Variants in TRHDE observed in about 807,000 individuals in gnomAD.
TRHDE encodes the protein thyrotropin-releasing hormone-degrading ectoenzyme.
In TRHDE, 72 loss-of-function variants were observed where a neutral mutation model predicts 125.7. The ratio of observed to expected loss-of-function variants is 0.57; its 90% CI spans 0.47 to 0.70. The LOEUF is 0.70. Among genes scored for constraint, TRHDE ranks in the 30% least tolerant of loss-of-function variants. The pLI is 0.00. For synonymous variants in TRHDE, 509 were observed against 509.1 expected, an observed-to-expected ratio of 1.00 and a Z score of 0.00; for missense variants, 1,110 against 1,327.1, an observed-to-expected ratio of 0.84 and a Z score of 2.54.
rs960195528 is a variant in TRHDE, at chr12:72,330,432, G to A, written c.1188+43478G>A. ...CCACAGGGATGTTACGTGAGGGAGCGGAAGTGTCAGAACTGGAGCCGAGCG... is the reference window on the plus strand; with the variant it reads ...CCACAGGGATGTTACGTGAGGGAGCAGAAGTGTCAGAACTGGAGCCGAGCG... On this transcript the variant is annotated intron_variant, in intron 2 of 18. Transcript: ENST00000261180. 8.5e-5 allele frequency among the ~76,000 whole-genome samples: 13 copies of A among 152,176 alleles called. 1 individual carries two copies. The highest frequency in any genetic ancestry group is 1.8e-4 in the Non-Finnish European group (12 of 68,034).
rs1870255041 is a variant in TRHDE at position 72,562,978 on chromosome 12, C to G, written c.1980C>G (p.Thr660=). The G allele has an allele frequency of 6.2e-7, 1 of 1,609,942 alleles. No individual in the cohort carries two copies. The highest frequency in any genetic ancestry group is 8.5e-7 in the Non-Finnish European group (1 of 1,178,224). Residue 660 remains threonine (T), a synonymous_variant, in exon 9 of 19, where the codon ACC becomes ACG. Coordinates refer to ENST00000261180, the MANE Select transcript of TRHDE (RefSeq NM_013381.3). ...NTTAENRIII[T]QQHFIYDISA... ...CAGCAGAAAATAGAATAATAATTAC[C>G]CAACAGCATTTTATCTATGATATCA...
At chr12:72,362,356 G>T (rs1288730641) in intron 2 of TRHDE, among the ~76,000 whole-genome samples, 1 of 149,556 alleles carries the variant, frequency 6.7e-6, no homozygotes, top group Non-Finnish European at 1.5e-5. Flanking sequence ...CTGCATAAAT[G>T]TCTTCTTTTG....
At chr12:72,629,450 C>CA (rs1873387884) in intron 15 of TRHDE, among the ~76,000 whole-genome samples, 1 of 151,730 alleles carries the variant, frequency 6.6e-6, no homozygotes, top group Non-Finnish European at 1.5e-5. Flanking sequence ...CTTTCAGACA[C>CA]TTCTGTGTCT....
At chr12:72,519,176 A>G (rs1037707078) in intron 6 of TRHDE, among the ~76,000 whole-genome samples, 1 of 152,032 alleles carries the variant, frequency 6.6e-6, no homozygotes, top group African/African-American at 2.4e-5. Context: ...GTATTTCCTG[A>G]ATCTGAATGT....
intron 2 of TRHDE, among the ~76,000 whole-genome samples, chr12:72,160,825 AT>A (rs1876621364): frequency 6.6e-6 from 1 of 152,176 alleles, no homozygotes; most frequent in Non-Finnish European, 1.5e-5. Context: ...TTCCCATTTT[AT>A]TTATGTTCAT....
chr12:72,493,880 G>T (rs1038239035), intron 5 of TRHDE, among the ~76,000 whole-genome samples: 1 of 151,960 alleles, frequency 6.6e-6, no homozygotes, highest in Non-Finnish European at 1.5e-5. Context: ...GCCTAAGGCA[G>T]AATAATTAAC....
intron 18 of TRHDE, 113 bp downstream of exon 18, chr12:72,657,121 ACG>A: frequency 1.5e-6 from 1 of 681,322 alleles, no homozygotes; most frequent in Non-Finnish European, 2.6e-6. Flanking sequence ...TTACTTACAC[ACG>A]CACACCACAC....
rs888089624 is a variant in TRHDE at position 72,330,423 on chromosome 12, T to A, written c.1188+43469T>A. 4.6e-5 allele frequency among the ~76,000 whole-genome samples: 7 copies of A among 151,134 alleles called. No individual in the cohort carries two copies. The East Asian group carries it at 5.9e-4, about 13-fold the overall frequency. On this transcript the variant is annotated intron_variant, in intron 2 of 18. Transcript: ENST00000261180. ...TTCATGTGGCCACAGGGATGTTACGTGAGGGAGCGGAAGTGTCAGAACTGG... is the reference window on the plus strand; with the variant it reads ...TTCATGTGGCCACAGGGATGTTACGAGAGGGAGCGGAAGTGTCAGAACTGG...
At chr12:72,527,468 G>A (rs1014604246) in intron 6 of TRHDE, among the ~76,000 whole-genome samples, 1 of 151,900 alleles carries the variant, frequency 6.6e-6, no homozygotes, top group African/African-American at 2.4e-5. Flanking sequence ...ATAATGGGAA[G>A]TACAGAATCT....
At chr12:72,416,826 T>C (rs1378561776) in intron 3 of TRHDE, among the ~76,000 whole-genome samples, 3 of 152,160 alleles carry the variant, frequency 2.0e-5, no homozygotes, top group Non-Finnish European at 4.4e-5. Flanking sequence ...TTCAGCATTG[T>C]CCTTTTTGCT....
At position 72,469,457 on chromosome 12, in the gene TRHDE, G is replaced by A. The variant is rs147328312; in HGVS notation, c.1316-301G>A. On this transcript the variant is annotated intron_variant, in intron 3 of 18. Coordinates refer to ENST00000261180, the MANE Select transcript of TRHDE (RefSeq NM_013381.3). ...GCCTCTGTAGGTTCCTGCTGCATGT[G>A]GTTTCCTTGACTTATGAAATTTATT... Among the ~76,000 whole-genome samples, 983 of 152,222 alleles carry A rather than the reference G, an allele frequency of 6.5e-3. 4 individuals are homozygous for A. Among genetic ancestry groups the A allele is most frequent in the African/African-American group, 0.022 (921 of 41,536 alleles).
chr12:72,089,213 C>A (rs987978058), intron 1 of TRHDE, among the ~76,000 whole-genome samples: 2 of 152,166 alleles, frequency 1.3e-5, no homozygotes, highest in Non-Finnish European at 2.9e-5. Context: ...TTTGTTGCTG[C>A]CATCCTGATC....
At chr12:72,433,035 T>A (rs916548947) in intron 3 of TRHDE, among the ~76,000 whole-genome samples, 1 of 152,210 alleles carries the variant, frequency 6.6e-6, no homozygotes, top group East Asian at 1.9e-4. Flanking sequence ...TATTTTCAAA[T>A]GCTTTTAATG....
intron 12 of TRHDE, among the ~76,000 whole-genome samples, chr12:72,616,066 T>C (rs2136073891): frequency 6.6e-6 from 1 of 152,216 alleles, no homozygotes; most frequent in Admixed American, 6.5e-5. Context: ...GAGAAGAGCA[T>C]GGATTTTGGT....
chr12:72,635,297 CTTCTT>C (rs1490632440), intron 15 of TRHDE, among the ~76,000 whole-genome samples: 13 of 152,148 alleles, frequency 8.5e-5, no homozygotes, highest in Non-Finnish European at 1.6e-4. Context: ...GCATAAATGT[CTTCTT>C]TTGAGAAGTG....
chr12:72,320,543 C>CTG (rs59244019), intron 2 of TRHDE, among the ~76,000 whole-genome samples: 47,092 of 142,912 alleles, frequency 0.33, 8,149 homozygotes, highest in East Asian at 0.7. Context: ...AGAGGGTTGA[C>CTG]TGTGTGTGTG....
At chr12:72,151,186 A>G (rs921986363) in intron 2 of TRHDE, among the ~76,000 whole-genome samples, 1 of 152,198 alleles carries the variant, frequency 6.6e-6, no homozygotes, top group Non-Finnish European at 1.5e-5. Context: ...TGTTGGGTGC[A>G]TAAATGTCTT....
At chr12:72,474,332 G>A (rs1876790131) in intron 5 of TRHDE, among the ~76,000 whole-genome samples, 1 of 152,114 alleles carries the variant, frequency 6.6e-6, no homozygotes, top group South Asian at 2.1e-4. Context: ...GTGTGATGCA[G>A]AATTATTGAA....
chr12:72,447,997 G>T (rs1212368751), intron 3 of TRHDE, among the ~76,000 whole-genome samples: 1 of 152,020 alleles, frequency 6.6e-6, no homozygotes, highest in African/African-American at 2.4e-5. Flanking sequence ...AAAAGTAGCT[G>T]ATTTCCCATC....
Sources: allele counts gnomAD v4.1 joint callset (sites outside exome capture counted in the v4.1 genomes callset), GRCh38; gene constraint gnomAD v4.1.1; transcripts MANE v1.5; gene names NCBI Gene and HGNC (gene_info 2026-07-23, HGNC 2026-07-21).